The following SUGCT variants were observed in gnomAD, a reference collection of about 807,000 sequenced individuals.
SUGCT encodes succinyl-CoA:glutarate CoA-transferase.
Under a neutral mutation model 55.0 loss-of-function variants are expected in SUGCT, and 41 were observed. The ratio of observed to expected loss-of-function variants is 0.74; its 90% confidence interval spans 0.58 to 0.97. SUGCT has a LOEUF of 0.97. Among genes scored for constraint, SUGCT ranks in the 50% least tolerant of loss-of-function variants. The pLI, the probability that SUGCT is intolerant of heterozygous loss-of-function variation, is 0.00. For missense variants in SUGCT, 568 were observed against 547.8 expected, an observed-to-expected ratio of 1.04 and a Z score of -0.37; for synonymous variants, 187 against 200.4, an observed-to-expected ratio of 0.93 and a Z score of 0.56.
At chr7:40,559,960 G>A (rs928234140) in intron 12 of SUGCT, among the ~76,000 whole-genome samples, 5 of 152,212 alleles carry the variant, frequency 3.3e-5, no homozygotes, top group South Asian at 2.1e-4. Context: ...TATCTGGATA[G>A]GCAATGATAT....
chr7:40,536,830 C>T (rs979836132), intron 12 of SUGCT, among the ~76,000 whole-genome samples: 4 of 152,162 alleles, frequency 2.6e-5, no homozygotes, highest in Non-Finnish European at 4.4e-5. Flanking sequence ...CTTAAGCTCT[C>T]GTATGTGCTA....
At chr7:40,767,117 T>C (rs764679445) in intron 13 of SUGCT, among the ~76,000 whole-genome samples, 7 of 152,216 alleles carry the variant, frequency 4.6e-5, no homozygotes, top group African/African-American at 9.6e-5. Flanking sequence ...CTTTTGAATC[T>C]ATCTTTTGCA....
At chr7:40,618,781 A>G (rs1799128255) in intron 12 of SUGCT, among the ~76,000 whole-genome samples, 1 of 152,230 alleles carries the variant, frequency 6.6e-6, no homozygotes. Context: ...TGAGGCTCAG[A>G]TACTACATTA....
At chr7:40,927,832 G>A in the SUGCT span, among the ~76,000 whole-genome samples, 60 of 152,228 alleles carry the variant, frequency 3.9e-4, 1 homozygote, top group East Asian at 3.5e-3. Flanking sequence ...GCCTGAGCTC[G>A]TATGTTTGTA....
chr7:40,757,414 T>A (rs1465797411), intron 13 of SUGCT, among the ~76,000 whole-genome samples: 1 of 152,196 alleles, frequency 6.6e-6, no homozygotes, highest in African/African-American at 2.4e-5. Context: ...CTTGGAAAGC[T>A]GCCAAGAGCT....
intron 6 of SUGCT, among the ~76,000 whole-genome samples, chr7:40,206,663 A>G (rs1439416500): frequency 1.3e-5 from 2 of 152,240 alleles, no homozygotes. Flanking sequence ...GTTTGCATAT[A>G]ACTTATGCAC....
the SUGCT span, among the ~76,000 whole-genome samples, chr7:40,964,013 C>T: frequency 3.1e-3 from 473 of 152,244 alleles, 4 homozygotes; most frequent in Non-Finnish European, 5.2e-3. Flanking sequence ...TCCCCCAGCC[C>T]GGTGAATGTT....
intron 6 of SUGCT, among the ~76,000 whole-genome samples, chr7:40,222,305 C>T (rs1788063756): frequency 6.6e-6 from 1 of 152,228 alleles, no homozygotes; most frequent in South Asian, 2.1e-4. Flanking sequence ...TCACAGGGAG[C>T]AGCAATGCTG....
At chr7:40,486,683 G>A (rs1193758488) in intron 11 of SUGCT, among the ~76,000 whole-genome samples, 1 of 147,138 alleles carries the variant, frequency 6.8e-6, no homozygotes, top group Admixed American at 6.8e-5. Context: ...TTATATTCAC[G>A]TCAAGAAATT....
intron 12 of SUGCT, among the ~76,000 whole-genome samples, chr7:40,631,656 C>G (rs1799794468): frequency 6.6e-6 from 1 of 152,166 alleles, no homozygotes; most frequent in African/African-American, 2.4e-5. Flanking sequence ...ATTCTGCCTG[C>G]AGATGTCCAT....
At chr7:40,408,252 C>A (rs1786488080) in intron 9 of SUGCT, among the ~76,000 whole-genome samples, 1 of 152,046 alleles carries the variant, frequency 6.6e-6, no homozygotes. Flanking sequence ...AGAAAATATT[C>A]TTTAGTTACT....
At chr7:40,738,287 C>G (rs1787285910) in intron 12 of SUGCT, among the ~76,000 whole-genome samples, 1 of 150,744 alleles carries the variant, frequency 6.6e-6, no homozygotes, top group Non-Finnish European at 1.5e-5. Flanking sequence ...CAATCAATCT[C>G]AAACACAGCA....
chr7:40,392,321 A>C (rs1785481693), intron 9 of SUGCT, among the ~76,000 whole-genome samples: 1 of 152,200 alleles, frequency 6.6e-6, no homozygotes, highest in Non-Finnish European at 1.5e-5. Context: ...GTCATAATAC[A>C]AATTAGATAT....
At chr7:40,861,474 T>C (rs2128810409), downstream of SUGCT, among the ~76,000 whole-genome samples, 2 of 152,306 alleles carry the variant, frequency 1.3e-5, no homozygotes, top group South Asian at 4.1e-4. Flanking sequence ...AAATTGTTGC[T>C]CAAGACTGCT....
intron 7 of SUGCT, among the ~76,000 whole-genome samples, chr7:40,241,771 T>G (rs1266450646): frequency 6.6e-6 from 1 of 151,586 alleles, no homozygotes; most frequent in Non-Finnish European, 1.5e-5. Context: ...AATACAGAAA[T>G]TAGCTGGGCG....
chr7:40,496,457 T>C, intron 12 of SUGCT, 71 bp downstream of exon 12: 1 of 1,026,558 alleles, frequency 9.7e-7, no homozygotes, highest in South Asian at 1.4e-5. Context: ...ACCTTTGCCA[T>C]TGATCGCAAG....
Position 40,625,682 on chromosome 7 carries a change from G to T in SUGCT, c.1090-123752G>T, listed in dbSNP as rs1409830792. On this transcript the variant is annotated intron_variant, in intron 12 of 13. Coordinates refer to ENST00000335693, the MANE Select transcript of SUGCT (RefSeq NM_001193313.2). ...TTTTCTCTCCAGGAGAAACTGTGGT[G>T]CAAACTATTAAAATAAATTTATTAA... Among the ~76,000 whole-genome samples the T allele has an allele frequency of 2.0e-5, 3 of 152,110 alleles. No individual in the cohort carries two copies. The South Asian group carries it at 6.2e-4, about 32-fold the overall frequency.
At chr7:40,148,151 TAGGTAATC>T (rs137994562) in intron 1 of SUGCT, among the ~76,000 whole-genome samples, 9,644 of 151,738 alleles carry the variant, frequency 0.064, 948 homozygotes, top group African/African-American at 0.21. Context: ...CAGGGTGGAG[TAGGTAATC>T]AGGTAATCGG....
chr7:40,638,945 C>T (rs1024123699), intron 12 of SUGCT, among the ~76,000 whole-genome samples: 2 of 152,110 alleles, frequency 1.3e-5, no homozygotes, highest in Admixed American at 1.3e-4. Flanking sequence ...TCTACCTGGC[C>T]CTGCTGAAAT....
Sources: gnomAD v4.1 joint callset for allele counts (sites outside exome capture counted in the v4.1 genomes callset) on GRCh38, gnomAD v4.1.1 for gene constraint, MANE v1.5 for transcripts, NCBI Gene and HGNC (gene_info 2026-07-23, HGNC 2026-07-21) for gene names.